Variants in MUC17 observed in about 807,000 individuals in gnomAD.
MUC17 encodes the protein mucin 17, cell surface associated, also known as mucin-17.
MUC17 carries 190 observed loss-of-function variants against 170.3 expected under a neutral mutation model. The ratio of observed to expected loss-of-function variants is 1.12; its 90% confidence interval spans 0.99 to 1.26. The LOEUF is 1.26. MUC17 is among the 50% of genes most tolerant of loss of function. MUC17 has a pLI of 0.00. For synonymous variants in MUC17, 2,325 were observed against 2,002.5 expected, an observed-to-expected ratio of 1.16 and a Z score of -4.30; for missense variants, 6,415 against 5,530.0, an observed-to-expected ratio of 1.16 and a Z score of -5.08.
At chr7:101,026,083 C>G (rs1794174142) in intron 1 of MUC17, among the ~76,000 whole-genome samples, 1 of 152,234 alleles carries the variant, frequency 6.6e-6, no homozygotes, top group African/African-American at 2.4e-5. Context: ...CCAGTCCCTT[C>G]TCTCCCCTTG....
Position 101,041,646 on chromosome 7 carries a change from G to A in MUC17, c.10230G>A (p.Pro3410=), listed in dbSNP as rs771641488. 45 of 1,613,262 alleles carry A rather than the reference G, an allele frequency of 2.8e-5. No homozygotes were observed. Among genetic ancestry groups the A allele is most frequent in the Middle Eastern group, 1.6e-4 (1 of 6,084 alleles). ...PLASMPVSTT[P]VVSSEVNTLS... Reference sequence around the variant, plus strand: ...CAAGTATGCCTGTCAGCACCACGCCGGTGGTCAGTTCTGAGGTTAACACCC... The same window carrying A: ...CAAGTATGCCTGTCAGCACCACGCCAGTGGTCAGTTCTGAGGTTAACACCC... Residue 3410 remains proline, a synonymous_variant, in exon 3 of 13, where the codon CCG becomes CCA. Transcript: ENST00000306151.
In MUC17 at chr7:101,039,002, G is replaced by A; in HGVS notation, c.7586G>A (p.Ser2529Asn). The change falls in exon 3 of 13, where the codon AGT (serine) becomes AAT (asparagine). Residue 2529 changes from serine (S) to asparagine (N), a missense_variant. Physicochemically the swap from Ser to Asn is conservative, Grantham distance 46. Coordinates refer to ENST00000306151, the MANE Select transcript of MUC17 (RefSeq NM_001040105.2). ...CCTGTCAGCACCACGCCAGTGGCCA[G>A]TCCTGAGGCTAGCACCCTTTCAACA... is the stretch of plus-strand genomic sequence containing the variant. Reference protein sequence around the residue: ...SIPVSTTPVASPEASTLSTTP... With the variant: ...SIPVSTTPVANPEASTLSTTP... 1 of 1,613,844 alleles carries A rather than the reference G, an allele frequency of 6.2e-7. No homozygotes were observed. Among genetic ancestry groups the A allele is most frequent in the East Asian group, 2.2e-5 (1 of 44,842 alleles).
intron 1 of MUC17, among the ~76,000 whole-genome samples, chr7:101,028,954 G>A (rs1020613945): frequency 9.2e-5 from 14 of 151,964 alleles, no homozygotes; most frequent in African/African-American, 3.1e-4. Context: ...TTGGGAGGCC[G>A]AAGCCAGCAG....
Position 101,039,679 on chromosome 7 carries a change from A to G in MUC17, c.8263A>G (p.Ser2755Gly). The stretch of plus-strand genomic sequence containing the variant: ...TAGTGATGGAAGTACTCCATTAACA[A>G]GTATACTTGTCAGCACCCTGCCAGT... ...TPSDGSTPLT[S>G]ILVSTLPVAS... is the part of the protein sequence containing the mutation. Residue 2755 changes from serine to glycine, a missense_variant, in exon 3 of 13, where the codon AGT (serine) becomes GGT (glycine). Coordinates refer to ENST00000306151, the MANE Select transcript of MUC17 (RefSeq NM_001040105.2). 3 of 1,613,140 alleles carry G rather than the reference A, an allele frequency of 1.9e-6. No homozygotes were observed. The highest frequency in any genetic ancestry group is 2.5e-6 in the Non-Finnish European group (3 of 1,179,652).
At chr7:101,029,748 G>A (rs574893009) in intron 1 of MUC17, among the ~76,000 whole-genome samples, 7 of 151,808 alleles carry the variant, frequency 4.6e-5, no homozygotes, top group Non-Finnish European at 8.8e-5. Flanking sequence ...ATAGGTGCAC[G>A]CCGCCGCACC....
chr7:101,032,039 A>G lies in MUC17; in HGVS notation c.623A>G (p.Lys208Arg), dbSNP rs769259358. ...PTTPESTTIP[K>R]STNSEGSTPL... The stretch of plus-strand genomic sequence containing the variant: ...ACTCCTGAAAGCACCACCATACCCA[A>G]ATCAACTAACAGTGAAGGAAGCACT... Residue 208 changes from lysine (K) to arginine (R), a missense_variant, in exon 3 of 13, where the codon AAA becomes AGA. By Grantham distance (26) the Lys-to-Arg change is conservative. Transcript: ENST00000306151. The G allele has an allele frequency of 8.1e-6, 13 of 1,614,170 alleles. No homozygotes were observed. Among genetic ancestry groups the G allele is most frequent in the Non-Finnish European group, 1.1e-5 (13 of 1,180,040 alleles).
In MUC17 at chr7:101,033,836, T is replaced by A; in HGVS notation, c.2420T>A (p.Leu807Ter). Residue 807 changes from leucine (L) to a stop codon, truncating the protein, a stop_gained, in exon 3 of 13, where the codon TTA (leucine) becomes TAA (stop). Coordinates refer to ENST00000306151, the MANE Select transcript of MUC17 (RefSeq NM_001040105.2). LOFTEE classifies it high-confidence loss of function. ...PISTPSEGSP[L>*]LTSIPVSITP... The stretch of plus-strand genomic sequence containing the variant: ...TCAACTCCTAGTGAAGGAAGTCCTT[T>A]ATTAACAAGTATACCTGTCAGCATC... 1.2e-6 allele frequency: 2 copies of A among 1,601,158 alleles called. No homozygotes were observed. Among genetic ancestry groups the A allele is most frequent in the East Asian group, 4.5e-5 (2 of 44,180 alleles).
intron 9 of MUC17, among the ~76,000 whole-genome samples, chr7:101,052,708 C>A (rs1794971538): frequency 6.6e-6 from 1 of 151,970 alleles, no homozygotes; most frequent in African/African-American, 2.4e-5. Flanking sequence ...GGGGTGCAGC[C>A]CAGGGAAGAC....
In MUC17 at chr7:101,037,168, A is replaced by G. The variant is rs759207579; in HGVS notation, c.5752A>G (p.Thr1918Ala). 3 of 1,612,630 alleles carry G rather than the reference A, an allele frequency of 1.9e-6. No homozygotes were observed. The East Asian group carries it at 6.7e-5, about 36-fold the overall frequency. Residue 1918 changes from threonine to alanine, a missense_variant, in exon 3 of 13, where the codon ACC becomes GCC. Coordinates refer to ENST00000306151, the MANE Select transcript of MUC17 (RefSeq NM_001040105.2). Reference protein sequence around the residue: ...PTTADGSSMPTSTPREGRPPL... With the variant: ...PTTADGSSMPASTPREGRPPL... Reference sequence around the variant, plus strand: ...AACTGCTGACGGTAGCAGCATGCCAACCTCAACTCCTAGGGAAGGAAGGCC... The same window carrying G: ...AACTGCTGACGGTAGCAGCATGCCAGCCTCAACTCCTAGGGAAGGAAGGCC...
chr7:101,039,824 C>G lies in MUC17; in HGVS notation c.8408C>G (p.Ser2803Ter). ...TTAEVTSMPTSTPSETSTPLT... is the reference protein window; with the variant it reads ...TTAEVTSMPT ...GCTGAAGTTACCAGCATGCCAACCT[C>G]AACTCCTAGTGAAACAAGTACTCCA... The change falls in exon 3 of 13, where the codon TCA becomes TGA. Residue 2803 changes from serine (S) to a stop codon, truncating the protein, a stop_gained. Transcript: ENST00000306151. LOFTEE classifies it high-confidence loss of function. 1 of 1,610,854 alleles carries G rather than the reference C, an allele frequency of 6.2e-7. No homozygotes were observed. Among genetic ancestry groups the G allele is most frequent in the South Asian group, 1.1e-5 (1 of 90,976 alleles).
At chr7:101,044,015 G>A (rs187268634) in intron 3 of MUC17, among the ~76,000 whole-genome samples, 196 bp downstream of exon 3, 5 of 152,142 alleles carry the variant, frequency 3.3e-5, no homozygotes, top group Admixed American at 6.5e-5. Flanking sequence ...GGCAGGCCCC[G>A]GTGTGTGATG....
intron 11 of MUC17, 61 bp from the exon 12 acceptor site, chr7:101,056,133 A>C: frequency 6.2e-7 from 1 of 1,608,940 alleles, no homozygotes; most frequent in Non-Finnish European, 8.5e-7. Context: ...GATTAAAGGG[A>C]GAGATGAAAG....
Position 101,053,361 on chromosome 7 carries a change from T to C in MUC17, c.13288T>C (p.Leu4430=), listed in dbSNP as rs1794989118. 1 of 1,614,114 alleles carries C rather than the reference T, an allele frequency of 6.2e-7. No individual in the cohort carries two copies. Among genetic ancestry groups the C allele is most frequent in the Admixed American group, 1.7e-5 (1 of 60,018 alleles). ...VKRQKYRLSQ[L]YKWQEEDSGP... is the part of the protein sequence containing the mutation. ...TAGGCAAAAGTACAGATTGTCTCAG[T>C]TATACAAGTGGCAAGAAGAGGACAG... Residue 4430 remains leucine (L), a synonymous_variant, in exon 11 of 13, where the codon TTA becomes CTA. Transcript: ENST00000306151.
rs371022256 is a variant in MUC17, at chr7:101,025,620, C to T, written c.82+5403C>T. Among the ~76,000 whole-genome samples, 8 of 152,092 alleles carry T rather than the reference C, an allele frequency of 5.3e-5. No homozygotes were observed. In the East Asian group the frequency reaches 7.7e-4, roughly 15 times the overall value. On this transcript the variant is annotated intron_variant, in intron 1 of 12. Coordinates refer to ENST00000306151, the MANE Select transcript of MUC17 (RefSeq NM_001040105.2). ...CAGCCTGGCCAACATGGTGAAACCCCGCCTCTACTAAAAATACAAAAAAAT... is the reference window on the plus strand; with the variant it reads ...CAGCCTGGCCAACATGGTGAAACCCTGCCTCTACTAAAAATACAAAAAAAT...
rs1562812000 is a variant in MUC17, at chr7:101,037,779, C to T, written c.6363C>T (p.Thr2121=). ...TTPVASPEAS[T]LSTTPVDSNS... The stretch of plus-strand genomic sequence containing the variant: ...CGGTGGCCAGTCCTGAGGCTAGCAC[C>T]CTTTCAACAACTCCTGTTGACTCCA... Residue 2121 remains threonine (T), a synonymous_variant, in exon 3 of 13, where the codon ACC becomes ACT. Coordinates refer to ENST00000306151, the MANE Select transcript of MUC17 (RefSeq NM_001040105.2). The T allele has an allele frequency of 6.2e-7, 1 of 1,613,028 alleles. No homozygotes were observed.
intron 1 of MUC17, among the ~76,000 whole-genome samples, chr7:101,022,980 A>G (rs2116386023): frequency 6.6e-6 from 1 of 152,286 alleles, no homozygotes; most frequent in East Asian, 1.9e-4. Context: ...TCCGTGCCTT[A>G]CAATAACAGA....
chr7:101,041,608 A>G lies in MUC17; in HGVS notation c.10192A>G (p.Thr3398Ala), dbSNP rs1238022722. ...SIPTSSPSEGTTPLASMPVST... is the reference protein window; with the variant it reads ...SIPTSSPSEGATPLASMPVST... ...ACCAACCTCAAGTCCTAGTGAAGGA[A>G]CCACTCCATTAGCAAGTATGCCTGT... The change falls in exon 3 of 13, where the codon ACC becomes GCC. Residue 3398 changes from threonine to alanine, a missense_variant. Coordinates refer to ENST00000306151, the MANE Select transcript of MUC17 (RefSeq NM_001040105.2). 1 of 1,613,704 alleles carries G rather than the reference A, an allele frequency of 6.2e-7. No homozygotes were observed. The highest frequency in any genetic ancestry group is 2.2e-5 in the East Asian group (1 of 44,828).
Position 101,040,937 on chromosome 7 carries a change from T to G in MUC17, c.9521T>G (p.Met3174Arg), listed in dbSNP as rs140193111. ...TTAACATATATGCCTGTCAGCACCA[T>G]GCTGGTAGTCAGTTCTGAGGATAGC... Reference protein sequence around the residue: ...TPLTYMPVSTMLVVSSEDSTL... With the variant: ...TPLTYMPVSTRLVVSSEDSTL... Residue 3174 changes from methionine to arginine, a missense_variant, in exon 3 of 13, where the codon ATG (methionine) becomes AGG (arginine). Physicochemically the swap from Met to Arg is moderately conservative, Grantham distance 91. Coordinates refer to ENST00000306151, the MANE Select transcript of MUC17 (RefSeq NM_001040105.2). 1 of 1,603,388 alleles carries G rather than the reference T, an allele frequency of 6.2e-7. No individual in the cohort carries two copies. Among genetic ancestry groups the G allele is most frequent in the South Asian group, 1.1e-5 (1 of 90,430 alleles).
chr7:101,028,747 G>A (rs775102537), intron 1 of MUC17, among the ~76,000 whole-genome samples: 1 of 151,974 alleles, frequency 6.6e-6, no homozygotes, highest in Non-Finnish European at 1.5e-5. Context: ...AACTGGCTAG[G>A]TGTGGTGTCT....
Sources: allele counts gnomAD v4.1 joint callset (sites outside exome capture counted in the v4.1 genomes callset), GRCh38; gene constraint gnomAD v4.1.1; transcripts MANE v1.5; gene names NCBI Gene and HGNC (gene_info 2026-07-23, HGNC 2026-07-21).